Variants in PCDHA9 observed in about 807,000 individuals in gnomAD.
PCDHA9 encodes protocadherin alpha 9.
Under a neutral mutation model 62.0 loss-of-function variants are expected in PCDHA9, and 62 were observed. The ratio of observed to expected loss-of-function variants is 1.00; its 90% CI spans 0.81 to 1.23. The LOEUF is 1.23. PCDHA9 is among the 50% of genes most tolerant of loss of function. The pLI is 0.00. For missense variants in PCDHA9, 1,205 were observed against 1,249.8 expected (o/e 0.96, Z 0.54); for synonymous variants, 557 against 567.6 (o/e 0.98, Z 0.27).
intron 1 of PCDHA9, among the ~76,000 whole-genome samples, chr5:140,933,686 C>T (rs186587135): frequency 6.6e-6 from 1 of 151,890 alleles, no homozygotes; most frequent in Non-Finnish European, 1.5e-5. Flanking sequence ...ATTTTTTTTC[C>T]TATTCCTCGG....
chr5:140,953,713 A>T (rs1372806666), intron 1 of PCDHA9, among the ~76,000 whole-genome samples: 1 of 152,218 alleles, frequency 6.6e-6, no homozygotes, highest in Admixed American at 6.5e-5. Context: ...TGAGCTTCAG[A>T]CATTGTGTTT....
chr5:140,884,733 T>A (rs782206169), intron 1 of PCDHA9: 2 of 1,448,004 alleles, frequency 1.4e-6, no homozygotes, highest in African/African-American at 1.4e-5. Flanking sequence ...GTTTAAGACA[T>A]CTTTCCTGCC....
chr5:140,868,681 TATA>T (rs1235223560), intron 1 of PCDHA9: 45 of 172,206 alleles, frequency 2.6e-4, no homozygotes, highest in African/African-American at 1.0e-3. Context: ...AGAACAATGT[TATA>T]ATGTTAAGTC....
chr5:140,871,492 C>G (rs782396000), intron 1 of PCDHA9: 1 of 1,589,508 alleles, frequency 6.3e-7, no homozygotes, highest in Admixed American at 1.8e-5. Context: ...TCACCCCGGA[C>G]AGGTGAGTTT....
intron 1 of PCDHA9, among the ~76,000 whole-genome samples, chr5:140,900,088 G>C (rs545975836): frequency 6.6e-6 from 1 of 152,240 alleles, no homozygotes; most frequent in African/African-American, 2.4e-5. Context: ...GCAGTTACAA[G>C]CATGCGCCAC....
intron 1 of PCDHA9, chr5:140,859,970 T>C (rs894279399): frequency 6.6e-6 from 1 of 152,018 alleles, no homozygotes; most frequent in Non-Finnish European, 1.5e-5. Context: ...GTCTCAGGTA[T>C]ACAAGTGCAT....
chr5:140,857,663 G>A lies in PCDHA9; in HGVS notation c.2394+6774G>A, dbSNP rs377441915. ...ACAGTTCCAGGTGAGCGCGCGCGAT[G>A]GGGGCGTGCCGCCTCTGGGCAGCAA... On this transcript the variant is annotated intron_variant, in intron 1 of 3. Transcript: ENST00000532602. The A allele has an allele frequency of 1.9e-5, 30 of 1,596,736 alleles. 2 individuals are homozygous for A. Among genetic ancestry groups the A allele is most frequent in the Non-Finnish European group, 2.3e-5 (27 of 1,167,780 alleles).
intron 1 of PCDHA9, among the ~76,000 whole-genome samples, chr5:140,970,367 TA>T (rs1554232416): frequency 6.6e-6 from 1 of 152,216 alleles, no homozygotes; most frequent in Non-Finnish European, 1.5e-5. Flanking sequence ...TGATTTGCTA[TA>T]GCTTCAAAAG....
intron 1 of PCDHA9, among the ~76,000 whole-genome samples, chr5:140,957,864 A>G (rs1554223166): frequency 6.6e-6 from 1 of 151,762 alleles, no homozygotes; most frequent in Admixed American, 6.6e-5. Flanking sequence ...TTTTTTTCCT[A>G]TTTTGTGCTG....
At chr5:140,857,029 A>C in intron 1 of PCDHA9, 1 of 1,596,504 alleles carries the variant, frequency 6.3e-7, no homozygotes, top group South Asian at 1.1e-5. Flanking sequence ...AGGGAAACCC[A>C]CCTATGGTTG....
chr5:140,993,934 C>T (rs936977793), intron 3 of PCDHA9, among the ~76,000 whole-genome samples: 5 of 152,044 alleles, frequency 3.3e-5, no homozygotes, highest in African/African-American at 1.2e-4. Context: ...AGAACATATC[C>T]CCATTGTTAA....
At chr5:140,934,690 T>C (rs1263392505) in intron 1 of PCDHA9, among the ~76,000 whole-genome samples, 1 of 152,198 alleles carries the variant, frequency 6.6e-6, no homozygotes, top group Non-Finnish European at 1.5e-5. Flanking sequence ...AAACAATGAA[T>C]TGATTCCTGG....
At chr5:140,940,776 T>A (rs2092683795) in intron 1 of PCDHA9, among the ~76,000 whole-genome samples, 1 of 152,222 alleles carries the variant, frequency 6.6e-6, no homozygotes, top group African/African-American at 2.4e-5. Flanking sequence ...CTTTTGATGG[T>A]CCATATCCTG....
intron 1 of PCDHA9, chr5:140,857,310 A>C (rs781828328): frequency 6.3e-7 from 1 of 1,598,608 alleles, no homozygotes; most frequent in Admixed American, 1.7e-5. Flanking sequence ...TCGGCCTATG[A>C]GCTGGTGGTG....
chr5:140,879,564 A>G (rs1232052888), intron 1 of PCDHA9, among the ~76,000 whole-genome samples: 2 of 152,254 alleles, frequency 1.3e-5, no homozygotes, highest in Non-Finnish European at 1.5e-5. Context: ...CCATGAAAGA[A>G]TAAAATTGCC....
chr5:141,002,195 A>G (rs2098065094), intron 3 of PCDHA9, among the ~76,000 whole-genome samples: 1 of 152,244 alleles, frequency 6.6e-6, no homozygotes, highest in South Asian at 2.1e-4. Flanking sequence ...CTGGCAAGAT[A>G]GTCCCCGGCT....
intron 3 of PCDHA9, among the ~76,000 whole-genome samples, chr5:140,996,316 A>C (rs2153939037): frequency 6.6e-6 from 1 of 152,250 alleles, no homozygotes; most frequent in African/African-American, 2.4e-5. Context: ...GTAAGGGGGG[A>C]GGGTAGAGAA....
intron 1 of PCDHA9, among the ~76,000 whole-genome samples, chr5:140,969,746 T>C (rs1353204080): frequency 6.6e-6 from 1 of 152,224 alleles, no homozygotes; most frequent in African/African-American, 2.4e-5. Context: ...ATGAGTGATG[T>C]TTCTTAAAAA....
At chr5:140,884,049 T>C (rs1268930422) in intron 1 of PCDHA9, 2 of 1,613,296 alleles carry the variant, frequency 1.2e-6, no homozygotes, top group African/African-American at 1.3e-5. Flanking sequence ...GTGGCGAAGG[T>C]GCGCGCGGTG....
Sources: allele counts gnomAD v4.1 joint callset (sites outside exome capture counted in the v4.1 genomes callset), GRCh38; gene constraint gnomAD v4.1.1; transcripts MANE v1.5; gene names NCBI Gene and HGNC (gene_info 2026-07-23, HGNC 2026-07-21).